The following CSMD1 variants were observed in gnomAD, a reference collection of about 807,000 sequenced individuals.
The protein encoded by CSMD1 is CUB and sushi domain-containing protein 1.
A neutral mutation model predicts 417.5 loss-of-function variants in CSMD1; 213 were observed. That is an observed-to-expected ratio of 0.51 (90% CI 0.46 to 0.57). CSMD1 has a LOEUF of 0.57. CSMD1 is among the 20% of genes least tolerant of loss of function. CSMD1 has a pLI of 0.00. For missense variants in CSMD1, 6,923 were observed against 4,529.7 expected, an observed-to-expected ratio of 1.53 and a Z score of -15.17; for synonymous variants, 2,862 against 1,736.8, an observed-to-expected ratio of 1.65 and a Z score of -16.11.
intron 27 of CSMD1, among the ~76,000 whole-genome samples, chr8:3,225,326 C>T (rs10091407): frequency 0.19 from 28,683 of 151,140 alleles, 2,861 homozygotes; most frequent in Admixed American, 0.24. Context: ...CACAGATATA[C>T]GTTCAAGAGT....
chr8:3,732,895 CATCT>C (rs770201674), intron 6 of CSMD1, among the ~76,000 whole-genome samples: 26 of 152,138 alleles, frequency 1.7e-4, no homozygotes, highest in South Asian at 1.0e-3. Flanking sequence ...ATCCATCTAT[CATCT>C]ATCTATCTAT....
intron 3 of CSMD1, among the ~76,000 whole-genome samples, chr8:4,302,112 T>C (rs1428581470): frequency 6.6e-6 from 1 of 152,206 alleles, no homozygotes; most frequent in Non-Finnish European, 1.5e-5. Context: ...GTTCATTATG[T>C]AGAAGCAAGC....
At chr8:4,022,276 A>C (rs1195994815) in intron 4 of CSMD1, among the ~76,000 whole-genome samples, 2 of 150,942 alleles carry the variant, frequency 1.3e-5, no homozygotes. Flanking sequence ...CTTATCTCTT[A>C]TGTATTTCAG....
intron 9 of CSMD1, among the ~76,000 whole-genome samples, chr8:3,576,165 G>A (rs752018326): frequency 1.3e-5 from 2 of 151,926 alleles, no homozygotes; most frequent in African/African-American, 4.8e-5. Context: ...CAGGACTTGT[G>A]ACTTAACAAG....
intron 53 of CSMD1, among the ~76,000 whole-genome samples, chr8:2,998,508 G>C (rs1399776189): frequency 6.6e-6 from 1 of 152,142 alleles, no homozygotes; most frequent in Non-Finnish European, 1.5e-5. Context: ...AAAAACAAGA[G>C]ATGCTAAAAA....
At chr8:4,798,426 A>G (rs1798100816) in intron 1 of CSMD1, among the ~76,000 whole-genome samples, 1 of 152,120 alleles carries the variant, frequency 6.6e-6, no homozygotes, top group South Asian at 2.1e-4. Context: ...TAAGGGAGAT[A>G]TTTTATTTTT....
chr8:4,348,571 CTGTG>C (rs1212445978), intron 3 of CSMD1, among the ~76,000 whole-genome samples: 1 of 130,646 alleles, frequency 7.7e-6, no homozygotes, highest in Non-Finnish European at 1.6e-5. Context: ...ATGTGTGCAT[CTGTG>C]TGTGTGTATG....
intron 2 of CSMD1, among the ~76,000 whole-genome samples, chr8:4,635,709 A>C (rs1394690821): frequency 6.6e-6 from 1 of 152,120 alleles, no homozygotes; most frequent in Non-Finnish European, 1.5e-5. Flanking sequence ...TAGCGTTGAT[A>C]ATTGACAACA....
intron 5 of CSMD1, among the ~76,000 whole-genome samples, chr8:3,915,672 A>G (rs1192102139): frequency 2.0e-5 from 3 of 151,528 alleles, no homozygotes; most frequent in Non-Finnish European, 4.4e-5. Context: ...AACTGATATT[A>G]CTAATAATGT....
intron 3 of CSMD1, among the ~76,000 whole-genome samples, chr8:4,324,023 C>T (rs774412717): frequency 6.6e-6 from 1 of 152,174 alleles, no homozygotes; most frequent in Non-Finnish European, 1.5e-5. Flanking sequence ...CAGCCACACC[C>T]TTAGCAGGCC....
intron 25 of CSMD1, among the ~76,000 whole-genome samples, chr8:3,286,978 T>C (rs1208790306): frequency 1.3e-5 from 2 of 152,166 alleles, no homozygotes; most frequent in East Asian, 1.9e-4. Flanking sequence ...AAGTCTTTAA[T>C]CCATCTTGAA....
At chr8:3,038,651 G>T (rs1471743589) in intron 50 of CSMD1, among the ~76,000 whole-genome samples, 34 of 152,008 alleles carry the variant, frequency 2.2e-4, no homozygotes, top group Admixed American at 2.2e-3. Context: ...CTGGGTATTA[G>T]ACAATTCCTC....
chr8:4,296,075 T>G (rs899948809), intron 3 of CSMD1, among the ~76,000 whole-genome samples: 25 of 152,256 alleles, frequency 1.6e-4, no homozygotes, highest in African/African-American at 4.8e-4. Flanking sequence ...TAAAATGATG[T>G]GCTCTCTGTT....
At chr8:3,654,939 T>G (rs1322314507) in intron 7 of CSMD1, among the ~76,000 whole-genome samples, 1 of 152,210 alleles carries the variant, frequency 6.6e-6, no homozygotes, top group East Asian at 1.9e-4. Context: ...CATCTGGCAC[T>G]TCCTGCTTTT....
chr8:3,952,722 G>A (rs186337097), intron 5 of CSMD1, among the ~76,000 whole-genome samples: 2 of 152,014 alleles, frequency 1.3e-5, no homozygotes, highest in African/African-American at 2.4e-5. Context: ...TCACTGAATT[G>A]GACATTTTAA....
At chr8:4,279,290 C>G (rs542163150) in intron 3 of CSMD1, among the ~76,000 whole-genome samples, 10 of 152,176 alleles carry the variant, frequency 6.6e-5, no homozygotes, top group Non-Finnish European at 8.8e-5. Context: ...AAAAAGCCAA[C>G]TGCTTCAAAC....
chr8:4,809,498 G>A lies in CSMD1; in HGVS notation c.86-171940C>T, dbSNP rs572743005. Among the ~76,000 whole-genome samples, 4 of 152,214 alleles carry A rather than the reference G, an allele frequency of 2.6e-5. No individual in the cohort carries two copies. The East Asian group carries it at 7.7e-4, about 29-fold the overall frequency. ...CTTCCAGGGGATTGCCAATAGACAT[G>A]AATAAGAATCTCAGACTAAGTTCTA... On this transcript the variant is annotated intron_variant, in intron 1 of 69. Coordinates refer to ENST00000635120, the MANE Select transcript of CSMD1 (RefSeq NM_033225.6).
At chr8:3,087,400 T>G in intron 48 of CSMD1, 115 bp from the exon 49 acceptor site, 1 of 1,056,998 alleles carries the variant, frequency 9.5e-7, no homozygotes, top group Non-Finnish European at 1.4e-6. Context: ...AGGTAGGAAA[T>G]GAGCACCAGT....
At chr8:4,038,873 G>C (rs778428538) in intron 3 of CSMD1, among the ~76,000 whole-genome samples, 1 of 152,066 alleles carries the variant, frequency 6.6e-6, no homozygotes, top group South Asian at 2.1e-4. Context: ...TTGAAACATA[G>C]GCTGCCATTC....
Sources: gnomAD v4.1 joint callset for allele counts (sites outside exome capture counted in the v4.1 genomes callset) on GRCh38, gnomAD v4.1.1 for gene constraint, MANE v1.5 for transcripts, NCBI Gene and HGNC (gene_info 2026-07-23, HGNC 2026-07-21) for gene names.